Variants in SLC22A9 observed in about 807,000 individuals in gnomAD.
SLC22A9 encodes organic anion transporter 7.
In SLC22A9, 64 loss-of-function variants were observed where a neutral mutation model predicts 50.1. That is an observed-to-expected ratio of 1.28 (90% CI 1.04 to 1.57). SLC22A9 has a LOEUF of 1.57. SLC22A9 is among the 40% of genes most tolerant of loss of function. SLC22A9 has a pLI of 0.00. For missense variants in SLC22A9, 757 were observed against 676.1 expected, an observed-to-expected ratio of 1.12 and a Z score of -1.33; for synonymous variants, 261 against 242.5, an observed-to-expected ratio of 1.08 and a Z score of -0.71.
chr11:63,375,548 G>A (rs753026759), intron 4 of SLC22A9, 97 bp from the exon 5 acceptor site: 2 of 1,499,282 alleles, frequency 1.3e-6, no homozygotes, highest in Non-Finnish European at 1.8e-6. Context: ...ACAAGTGGTG[G>A]ATATTAGCTT....
Position 63,375,722 on chromosome 11 carries a change from C to CA in SLC22A9, c.909dup (p.His304ThrfsTer37). The CA allele has an allele frequency of 6.2e-7, 1 of 1,612,704 alleles. No homozygotes were observed. The highest frequency in any genetic ancestry group is 1.7e-5 in the Admixed American group (1 of 59,878). ...GGCTTAAAGGAACTTAGAAAAGCTGCACACAGGAGTGGAATGAAGAATGCC... is the reference window on the plus strand; with the variant it reads ...GGCTTAAAGGAACTTAGAAAAGCTGCAACACAGGAGTGGAATGAAGAATGCC... On this transcript the variant is annotated frameshift_variant, in exon 5 of 10. Coordinates refer to ENST00000279178, the MANE Select transcript of SLC22A9 (RefSeq NM_080866.3). LOFTEE classifies it high-confidence loss of function.
intron 6 of SLC22A9, among the ~76,000 whole-genome samples, chr11:63,396,292 C>T (rs772910816): frequency 2.0e-5 from 3 of 152,148 alleles, no homozygotes; most frequent in Non-Finnish European, 4.4e-5. Flanking sequence ...CATTTTTCTG[C>T]CTCTCTCCAC....
At chr11:63,379,354 A>G (rs1002109971) in intron 5 of SLC22A9, among the ~76,000 whole-genome samples, 7 of 152,220 alleles carry the variant, frequency 4.6e-5, no homozygotes, top group Admixed American at 2.6e-4. Flanking sequence ...TTCACCATAT[A>G]CAAAACTCAA....
chr11:63,390,530 C>T lies in SLC22A9; in HGVS notation c.1073+8253C>T, dbSNP rs140137093. On this transcript the variant is annotated intron_variant, in intron 6 of 9. Coordinates refer to ENST00000279178, the MANE Select transcript of SLC22A9 (RefSeq NM_080866.3). The stretch of plus-strand genomic sequence containing the variant: ...TGAGGTCTCTGTTCTTTTCCATTGG[C>T]CTATATATCTGCTTTGGTACCAGTG... Among the ~76,000 whole-genome samples, 936 of 151,998 alleles carry T rather than the reference C, an allele frequency of 6.2e-3. 10 individuals carry two copies. The highest frequency in any genetic ancestry group is 0.021 in the African/African-American group (857 of 41,478).
intron 7 of SLC22A9, among the ~76,000 whole-genome samples, chr11:63,407,288 T>C (rs2015056572): frequency 6.6e-6 from 1 of 152,214 alleles, no homozygotes; most frequent in Admixed American, 6.5e-5. Context: ...TGTCAGTTAA[T>C]AGCCTCTTGT....
intron 5 of SLC22A9, among the ~76,000 whole-genome samples, chr11:63,378,268 CA>C (rs1003297574): frequency 8.9e-5 from 13 of 145,260 alleles, no homozygotes; most frequent in Non-Finnish European, 1.3e-4. Context: ...AGACTAAAAA[CA>C]AAAAACACAT....
Position 63,406,480 on chromosome 11 carries a change from CT to C in SLC22A9, c.1074-12del. 2 of 1,605,534 alleles carry C rather than the reference CT, an allele frequency of 1.2e-6. No homozygotes were observed. The highest frequency in any genetic ancestry group is 1.7e-6 in the Non-Finnish European group (2 of 1,172,716). ...CCACAGATTATAATATGTTTCTTTC[CT>C]TTTTAATCATCACAGATTTGCAAAC... On this transcript the variant is annotated splice_polypyrimidine_tract_variant and intron_variant, in intron 6 of 9. Coordinates refer to ENST00000279178, the MANE Select transcript of SLC22A9 (RefSeq NM_080866.3).
rs751884762 is a variant in SLC22A9 at position 63,370,053 on chromosome 11, C to T, written c.-4C>T. ...TCTACTTGAGGATCAACTGTTCAAC[C>T]TCAATGGCCTTTCAGGACCTCCTGG... is the stretch of plus-strand genomic sequence containing the variant. On this transcript the variant is annotated 5_prime_UTR_variant, in exon 1 of 10. Coordinates refer to ENST00000279178, the MANE Select transcript of SLC22A9 (RefSeq NM_080866.3). 3.7e-6 allele frequency: 6 copies of T among 1,607,374 alleles called. No individual in the cohort carries two copies. The highest frequency in any genetic ancestry group is 5.1e-6 in the Non-Finnish European group (6 of 1,176,540).
At chr11:63,409,426 T>C (rs1474539245) in intron 9 of SLC22A9, among the ~76,000 whole-genome samples, 2 of 133,576 alleles carry the variant, frequency 1.5e-5, no homozygotes, top group African/African-American at 3.3e-5. Context: ...ACACTAATAA[T>C]ATCTGATGAG....
intron 2 of SLC22A9, among the ~76,000 whole-genome samples, chr11:63,372,061 C>T (rs2014369733): frequency 6.6e-6 from 1 of 152,104 alleles, no homozygotes; most frequent in African/African-American, 2.4e-5. Context: ...GTTAGTCACC[C>T]AGTCCTCTGT....
At chr11:63,380,722 A>AGGTAAGG (rs1565183039) in intron 5 of SLC22A9, among the ~76,000 whole-genome samples, 135 of 152,032 alleles carry the variant, frequency 8.9e-4, no homozygotes, top group African/African-American at 3.2e-3. Flanking sequence ...AGGAGGTAAG[A>AGGTAAGG]AGGTGAGGAT....
At chr11:63,389,720 TG>T (rs2014730207) in intron 6 of SLC22A9, among the ~76,000 whole-genome samples, 1 of 152,184 alleles carries the variant, frequency 6.6e-6, no homozygotes, top group Admixed American at 6.5e-5. Flanking sequence ...CTGGGTCAAA[TG>T]GTATTTCTGG....
intron 6 of SLC22A9, among the ~76,000 whole-genome samples, chr11:63,386,152 G>T (rs562745154): frequency 6.6e-6 from 1 of 151,998 alleles, no homozygotes; most frequent in African/African-American, 2.4e-5. Context: ...GACTTCATCG[G>T]GGTTAATAAG....
At chr11:63,375,789 A>G (rs768148423) in intron 5 of SLC22A9, 21 bp downstream of exon 5, 16 of 1,609,302 alleles carry the variant, frequency 9.9e-6, no homozygotes, top group Admixed American at 6.7e-5. Flanking sequence ...TGGGAGCTAG[A>G]TATGGGATGT....
At chr11:63,375,805 A>G (rs549377249) in intron 5 of SLC22A9, 37 bp downstream of exon 5, 32 of 1,604,004 alleles carry the variant, frequency 2.0e-5, no homozygotes, top group Non-Finnish European at 2.4e-5. Context: ...GATGTAGGGA[A>G]GACATAACTT....
chr11:63,372,610 G>T, intron 2 of SLC22A9, among the ~76,000 whole-genome samples: 1 of 152,008 alleles, frequency 6.6e-6, no homozygotes, highest in East Asian at 1.9e-4. Flanking sequence ...AGCAGTTTGG[G>T]TAAGACTGAC....
At chr11:63,408,974 A>G (rs1474943977) in intron 9 of SLC22A9, 95 bp downstream of exon 9, 2 of 1,329,728 alleles carry the variant, frequency 1.5e-6, no homozygotes, top group African/African-American at 1.5e-5. Context: ...TGTCCTCTCA[A>G]AAGGCTTAGA....
intron 9 of SLC22A9, 99 bp from the exon 10 acceptor site, chr11:63,409,703 C>T: frequency 8.1e-7 from 1 of 1,242,140 alleles, no homozygotes; most frequent in Admixed American, 2.1e-5. Context: ...AACTAATGGA[C>T]AAAGAATCAA....
At position 63,409,871 on chromosome 11, in the gene SLC22A9, A is replaced by G. The variant is rs2120040217; in HGVS notation, c.*9A>G. The G allele has an allele frequency of 1.2e-6, 2 of 1,613,408 alleles. No individual in the cohort carries two copies. Among genetic ancestry groups the G allele is most frequent in the East Asian group, 2.2e-5 (1 of 44,786 alleles). On this transcript the variant is annotated 3_prime_UTR_variant, in exon 10 of 10. Transcript: ENST00000279178. The stretch of plus-strand genomic sequence containing the variant: ...AAGTGACGCAGTTTTAAGGAATTCC[A>G]GGAGCTGACTGCCGATCAATGAGCC...
Sources: allele counts gnomAD v4.1 joint callset (sites outside exome capture counted in the v4.1 genomes callset), GRCh38; gene constraint gnomAD v4.1.1; transcripts MANE v1.5; gene names NCBI Gene and HGNC (gene_info 2026-07-23, HGNC 2026-07-21).